The following CBLB variants were observed in gnomAD, a reference collection of about 807,000 sequenced individuals.
CBLB encodes the protein E3 ubiquitin-protein ligase CBL-B.
Under a neutral mutation model 104.9 loss-of-function variants are expected in CBLB, and 31 were observed. The ratio of observed to expected loss-of-function variants is 0.30; its 90% CI spans 0.22 to 0.40. The LOEUF is 0.40. Among genes scored for constraint, CBLB ranks in the 10% least tolerant of loss-of-function variants. The pLI is 1.00. For missense variants in CBLB, 1,062 were observed against 1,214.6 expected, an observed-to-expected ratio of 0.87 and a Z score of 1.87; for synonymous variants, 440 against 422.6, an observed-to-expected ratio of 1.04 and a Z score of -0.51.
intron 4 of CBLB, 64 bp downstream of exon 4, chr3:105,776,331 CT>C (rs3836269): frequency 0.12 from 173,401 of 1,398,668 alleles, 13,948 homozygotes; most frequent in East Asian, 0.44. Context: ...CCATATCCAA[CT>C]GGAGGGAGGA....
chr3:105,814,361 T>C (rs2084724748), intron 3 of CBLB, among the ~76,000 whole-genome samples: 1 of 152,228 alleles, frequency 6.6e-6, no homozygotes, highest in South Asian at 2.1e-4. Context: ...TTGTTTTGTT[T>C]ATGCAAATGG....
intron 3 of CBLB, among the ~76,000 whole-genome samples, chr3:105,799,448 G>A (rs1205640993): frequency 6.6e-6 from 1 of 152,092 alleles, no homozygotes; most frequent in African/African-American, 2.4e-5. Flanking sequence ...ATCATGAAGT[G>A]TGTTTCAGTG....
chr3:105,839,369 A>G (rs2089185961), intron 3 of CBLB: 1 of 152,244 alleles, frequency 6.6e-6, no homozygotes, highest in African/African-American at 2.4e-5. Flanking sequence ...TATTGAGACA[A>G]GATAGGAAAT....
intron 17 of CBLB, chr3:105,672,253 C>T (rs568730634): frequency 1.1e-5 from 2 of 183,662 alleles, no homozygotes; most frequent in South Asian, 3.9e-4. Context: ...TAAAATATAC[C>T]ACTGTACTAT....
chr3:105,783,515 T>C (rs2080550216), intron 3 of CBLB, among the ~76,000 whole-genome samples: 2 of 152,204 alleles, frequency 1.3e-5, no homozygotes, highest in South Asian at 2.1e-4. Context: ...AAGTATTTGA[T>C]ACAGTCATTT....
At chr3:105,834,668 A>AGAAAG (rs1553848310) in intron 3 of CBLB, among the ~76,000 whole-genome samples, 6 of 151,692 alleles carry the variant, frequency 4.0e-5, no homozygotes, top group Non-Finnish European at 5.9e-5. Context: ...AAAAGAAAAG[A>AGAAAG]AAATCAAGTA....
At chr3:105,764,543 T>C (rs2078012337) in intron 4 of CBLB, among the ~76,000 whole-genome samples, 1 of 152,128 alleles carries the variant, frequency 6.6e-6, no homozygotes, top group East Asian at 1.9e-4. Context: ...CACTGTTCTC[T>C]TTTCTCTCTC....
At chr3:105,676,489 T>C (rs552470040) in intron 17 of CBLB, among the ~76,000 whole-genome samples, 11 of 152,206 alleles carry the variant, frequency 7.2e-5, no homozygotes, top group Admixed American at 5.9e-4. Flanking sequence ...GTTCCATCTA[T>C]TGGGGCTTAA....
At chr3:105,777,407 T>TGAACTCCCAATCCTACCACATTGGGA (rs2079611172) in intron 3 of CBLB, among the ~76,000 whole-genome samples, 1 of 152,150 alleles carries the variant, frequency 6.6e-6, no homozygotes, top group Non-Finnish European at 1.5e-5. Context: ...GAGGCTGAGG[T>TGAACTCCCAATCCTACCACATTGGGA]GGCCAAATGG....
At chr3:105,800,582 A>C (rs1446990828) in intron 3 of CBLB, among the ~76,000 whole-genome samples, 1 of 152,174 alleles carries the variant, frequency 6.6e-6, no homozygotes, top group African/African-American at 2.4e-5. Flanking sequence ...CTAGCCTTAG[A>C]CTTATTGAAA....
At chr3:105,848,814 A>T (rs7641825) in intron 3 of CBLB, among the ~76,000 whole-genome samples, 27,931 of 152,064 alleles carry the variant, frequency 0.18, 2,644 homozygotes, top group East Asian at 0.3. Context: ...AATCAAAGAA[A>T]CAATTCTGTA....
At chr3:105,835,815 C>T (rs2088391904) in intron 3 of CBLB, among the ~76,000 whole-genome samples, 1 of 152,130 alleles carries the variant, frequency 6.6e-6, no homozygotes, top group African/African-American at 2.4e-5. Context: ...ATGTCAAGTA[C>T]CAAACATGCT....
At chr3:105,807,333 G>T (rs1577369528) in intron 3 of CBLB, among the ~76,000 whole-genome samples, 1 of 152,150 alleles carries the variant, frequency 6.6e-6, no homozygotes, top group East Asian at 1.9e-4. Context: ...AAGATGGGAG[G>T]ATCACCTGAG....
At chr3:105,753,378 A>T (rs34431393) in intron 4 of CBLB, among the ~76,000 whole-genome samples, 115,836 of 142,706 alleles carry the variant, frequency 0.81, 44,540 homozygotes, top group South Asian at 0.87. Context: ...GTTTTTTTTA[A>T]AAAAAAAAGG....
intron 3 of CBLB, among the ~76,000 whole-genome samples, chr3:105,809,903 G>T (rs1359354425): frequency 6.6e-6 from 1 of 152,144 alleles, no homozygotes; most frequent in Non-Finnish European, 1.5e-5. Context: ...GAGAAAAAAA[G>T]ATGGGACATT....
intron 17 of CBLB, chr3:105,672,378 T>G (rs1428937466): frequency 5.6e-6 from 1 of 178,372 alleles, no homozygotes; most frequent in Non-Finnish European, 1.2e-5. Flanking sequence ...TGTTCTATCT[T>G]GCATCATATC....
chr3:105,799,742 G>A (rs1257911274), intron 3 of CBLB, among the ~76,000 whole-genome samples: 1 of 152,024 alleles, frequency 6.6e-6, no homozygotes, highest in Non-Finnish European at 1.5e-5. Context: ...TAGAAATAGT[G>A]ACATGGAGTT....
At chr3:105,689,052 A>G (rs918859194) in intron 13 of CBLB, among the ~76,000 whole-genome samples, 1 of 152,056 alleles carries the variant, frequency 6.6e-6, no homozygotes, top group African/African-American at 2.4e-5. Flanking sequence ...ACCTCATCTA[A>G]AGTATAAACC....
chr3:105,666,549 G>C (rs1158110057), intron 18 of CBLB, among the ~76,000 whole-genome samples: 6 of 152,134 alleles, frequency 3.9e-5, no homozygotes, highest in African/African-American at 7.2e-5. Flanking sequence ...AGCCGGGCAT[G>C]ATGGTGGATG....
Sources: gnomAD v4.1 joint callset for allele counts (sites outside exome capture counted in the v4.1 genomes callset) on GRCh38, gnomAD v4.1.1 for gene constraint, MANE v1.5 for transcripts, NCBI Gene and HGNC (gene_info 2026-07-23, HGNC 2026-07-21) for gene names.